The following UBE2M variants were observed in gnomAD, a reference collection of about 807,000 sequenced individuals.
The protein encoded by UBE2M is NEDD8-conjugating enzyme Ubc12.
In UBE2M, 2 loss-of-function variants were observed where a neutral mutation model predicts 23.5. The observed-to-expected ratio is 0.09, with a 90% CI of 0.03 to 0.27. UBE2M has a LOEUF of 0.27. UBE2M is among the 10% of genes least tolerant of loss of function. The pLI is 1.00. For missense variants in UBE2M, 103 were observed against 232.9 expected, an observed-to-expected ratio of 0.44 and a Z score of 3.63; for synonymous variants, 97 against 95.2, an observed-to-expected ratio of 1.02 and a Z score of -0.11.
Position 58,556,301 on chromosome 19 carries a change from C to G in UBE2M, c.411+15G>C. The G allele has an allele frequency of 6.2e-7, 1 of 1,614,106 alleles. No individual in the cohort carries two copies. The highest frequency in any genetic ancestry group is 8.5e-7 in the Non-Finnish European group (1 of 1,180,012). ...AGGCCAATCTCCCCAGACCCAACCA[C>G]CTATTCCTACTCACCAAGAAGAGAT... On this transcript the variant is annotated intron_variant, in intron 5 of 5. Coordinates refer to ENST00000253023, the MANE Select transcript of UBE2M (RefSeq NM_003969.4). The surrounding 1 kb of genome is among the most constrained non-coding windows in gnomAD (Gnocchi z 4.9).
rs925322076 is a variant in UBE2M, at chr19:58,555,823, G to A, written c.*266C>T. ...CCCACCCACTCCACAGCCCAGAGTGGGGGCTGAACAAGCACCCAGCAGGGG... is the reference window on the plus strand; with the variant it reads ...CCCACCCACTCCACAGCCCAGAGTGAGGGCTGAACAAGCACCCAGCAGGGG... On this transcript the variant is annotated 3_prime_UTR_variant, in exon 6 of 6. Transcript: ENST00000253023. 11 of 518,854 alleles carry A rather than the reference G, an allele frequency of 2.1e-5. No homozygotes were observed. The highest frequency in any genetic ancestry group is 1.9e-4 in the African/African-American group (10 of 52,442). The allele number at this position is 518,854 out of a possible 1,614,324, so 32.1% of individuals were successfully genotyped here. A position where few individuals can be genotyped will look rare whatever the true frequency, so the allele number is the denominator to read the frequency against.
chr19:58,556,307 C>T lies in UBE2M; in HGVS notation c.411+9G>A, dbSNP rs1020503346. ...ATCTCCCCAGACCCAACCACCTATTCCTACTCACCAAGAAGAGATACTGCA... is the reference window on the plus strand; with the variant it reads ...ATCTCCCCAGACCCAACCACCTATTTCTACTCACCAAGAAGAGATACTGCA... On this transcript the variant is annotated intron_variant, in intron 5 of 5. Transcript: ENST00000253023. This position sits in a 1 kb window ranked among gnomAD's most constrained non-coding sequence, Gnocchi z 4.9. 2.5e-6 allele frequency: 4 copies of T among 1,614,130 alleles called. No individual in the cohort carries two copies. The highest frequency in any genetic ancestry group is 3.3e-5 in the Admixed American group (2 of 60,030).
In UBE2M at chr19:58,557,080, C is replaced by A. The variant is rs377327442; in HGVS notation, c.187G>T (p.Val63Phe). Residue 63 changes from valine (V) to phenylalanine (F), a missense_variant, in exon 2 of 6, where the codon GTC becomes TTC. Val to Phe is a conservative substitution (Grantham distance 50, BLOSUM62 -1). This residue lies in a region of UBE2M where 57 missense variants were observed against 103.3 expected (regional missense o/e 0.55). Coordinates refer to ENST00000253023, the MANE Select transcript of UBE2M (RefSeq NM_003969.4). ...ACCCTCACCTCATCAGGACAGATGA[C>A]CAGCTTGAAGTTGAGGAGGTCGTCT... Reference protein sequence around the residue: ...DPDDLLNFKLVICPDEGFYKS... With the variant: ...DPDDLLNFKLFICPDEGFYKS... The A allele has an allele frequency of 1.2e-6, 2 of 1,613,958 alleles. No homozygotes were observed. Among genetic ancestry groups the A allele is most frequent in the African/African-American group, 2.7e-5 (2 of 74,892 alleles).
At position 58,557,172 on chromosome 19, in the gene UBE2M, C is replaced by T. The variant is rs1345032239; in HGVS notation, c.110-15G>A. The T allele has an allele frequency of 6.2e-7, 1 of 1,612,796 alleles. No individual in the cohort carries two copies. Among genetic ancestry groups the T allele is most frequent in the African/African-American group, 1.3e-5 (1 of 74,842 alleles). ...CTCGTTTATGTCTGGGTTTGGGTAGCAGAGAGTCGGGAACAGAAAGAGGGA... is the reference window on the plus strand; with the variant it reads ...CTCGTTTATGTCTGGGTTTGGGTAGTAGAGAGTCGGGAACAGAAAGAGGGA... On this transcript the variant is annotated splice_polypyrimidine_tract_variant and intron_variant, in intron 1 of 5. Coordinates refer to ENST00000253023, the MANE Select transcript of UBE2M (RefSeq NM_003969.4).
At chr19:58,557,202 A>G in intron 1 of UBE2M, 45 bp from the exon 2 acceptor site, 1 of 1,554,996 alleles carries the variant, frequency 6.4e-7, no homozygotes, top group Non-Finnish European at 8.8e-7. Context: ...GAGGGAGGGG[A>G]AGAGAGAGAG....
rs1363784369 is a variant in UBE2M, at chr19:58,557,240, G to A, written c.110-83C>T. The A allele has an allele frequency of 2.0e-5, 29 of 1,432,808 alleles. No homozygotes were observed. In the Middle Eastern group the frequency reaches 1.2e-3, roughly 59 times the overall value. The allele number at this position is 1,432,808 out of a possible 1,614,324, so 88.8% of individuals were successfully genotyped here. A position where few individuals can be genotyped will look rare whatever the true frequency, so the allele number is the denominator to read the frequency against. On this transcript the variant is annotated intron_variant, in intron 1 of 5. Transcript: ENST00000253023. ...AGGGAGCCAGCAGGACACTTAGGGC[G>A]GGTGTTTGTTAGCAGAGCCCCCATC...
Position 58,557,107 on chromosome 19 carries a change from G to C in UBE2M, c.160C>G (p.Pro54Ala). ...PKTCDISFSD[P>A]DDLLNFKLVI... ...AGCTTGAAGTTGAGGAGGTCGTCTGGATCTGAGAAGCTGATATCACACGTC... is the reference window on the plus strand; with the variant it reads ...AGCTTGAAGTTGAGGAGGTCGTCTGCATCTGAGAAGCTGATATCACACGTC... Residue 54 changes from proline to alanine, a missense_variant, in exon 2 of 6, where the codon CCA becomes GCA. Pro to Ala is a conservative substitution (Grantham distance 27). Around this residue, in one of 3 missense-constraint regions of UBE2M, gnomAD observed 57 missense variants for 103.3 expected, o/e 0.55. Coordinates refer to ENST00000253023, the MANE Select transcript of UBE2M (RefSeq NM_003969.4). 6.2e-7 allele frequency: 1 copy of C among 1,614,038 alleles called. No individual in the cohort carries two copies. The highest frequency in any genetic ancestry group is 8.5e-7 in the Non-Finnish European group (1 of 1,179,992).
At position 58,555,935 on chromosome 19, in the gene UBE2M, A is replaced by G. The variant is rs1211283607; in HGVS notation, c.*154T>C. 9.1e-7 allele frequency: 1 copy of G among 1,102,492 alleles called. No individual in the cohort carries two copies. Among genetic ancestry groups the G allele is most frequent in the African/African-American group, 1.6e-5 (1 of 62,864 alleles). 68.3% of individuals were successfully genotyped at this position (1,102,492 alleles called of 1,614,324 possible). ...AATCACATGGTGTTAAAAAAAAAAA[A>G]ATAACTAGGGGCACGTGGCAGGAAG... On this transcript the variant is annotated 3_prime_UTR_variant, in exon 6 of 6. Coordinates refer to ENST00000253023, the MANE Select transcript of UBE2M (RefSeq NM_003969.4).
intron 1 of UBE2M, 152 bp from the exon 2 acceptor site, chr19:58,557,309 A>G: frequency 1.4e-6 from 1 of 739,678 alleles, no homozygotes; most frequent in Non-Finnish European, 2.4e-6. Flanking sequence ...GCTGTGCTCC[A>G]CACCTCCAGC....
intron 1 of UBE2M, 131 bp from the exon 2 acceptor site, chr19:58,557,288 G>A: frequency 4.5e-6 from 4 of 885,100 alleles, no homozygotes; most frequent in South Asian, 2.8e-5. Context: ...ACCCCCAGGC[G>A]CCTCTCCTGG....
rs559015401 is a variant in UBE2M, at chr19:58,556,623, C to T, written c.347+64G>A. On this transcript the variant is annotated intron_variant, in intron 4 of 5. Transcript: ENST00000253023. The surrounding 1 kb of genome is among the most constrained non-coding windows in gnomAD (Gnocchi z 4.9). ...GGGACAGAGTCTGATGTAGTGCCCA[C>T]AAGACCATGAGGGAGGCCTGGCAGG... 6 of 1,400,992 alleles carry T rather than the reference C, an allele frequency of 4.3e-6. No individual in the cohort carries two copies. Among genetic ancestry groups the T allele is most frequent in the African/African-American group, 2.9e-5 (2 of 69,124 alleles). 86.8% of individuals were successfully genotyped at this position (1,400,992 alleles called of 1,614,324 possible).
chr19:58,557,206 G>A, intron 1 of UBE2M, 49 bp from the exon 2 acceptor site: 1 of 1,533,146 alleles, frequency 6.5e-7, no homozygotes, highest in Non-Finnish European at 9.0e-7. Flanking sequence ...GAGGGGAAGA[G>A]AGAGAGAGAG....
At position 58,556,443 on chromosome 19, in the gene UBE2M, T is replaced by A; in HGVS notation, c.348-64A>T. The A allele has an allele frequency of 1.3e-6, 2 of 1,557,740 alleles. No individual in the cohort carries two copies. Reference sequence around the variant, plus strand: ...GGGAGACTGCCACAGGCCCCTCTGGTGTTGGGCAGGTCAGATCCAGGGCAT... The same window carrying A: ...GGGAGACTGCCACAGGCCCCTCTGGAGTTGGGCAGGTCAGATCCAGGGCAT... On this transcript the variant is annotated intron_variant, in intron 4 of 5. Coordinates refer to ENST00000253023, the MANE Select transcript of UBE2M (RefSeq NM_003969.4). The surrounding 1 kb of genome is among the most constrained non-coding windows in gnomAD (Gnocchi z 4.9).
intron 1 of UBE2M, among the ~76,000 whole-genome samples, chr19:58,557,928 C>T (rs2053903190): frequency 6.6e-6 from 1 of 152,016 alleles, no homozygotes; most frequent in African/African-American, 2.4e-5. Context: ...CTATCCCTCT[C>T]TTCTCCGCCT....
Position 58,556,103 on chromosome 19 carries a change from G to A in UBE2M, c.538C>T (p.Arg180Cys). The change falls in exon 6 of 6, where the codon CGC (arginine) becomes TGC (cysteine). Residue 180 changes from arginine to cysteine, a missense_variant. Coordinates refer to ENST00000253023, the MANE Select transcript of UBE2M (RefSeq NM_003969.4). The surrounding 1 kb of genome is among the most constrained non-coding windows in gnomAD (Gnocchi z 4.9). ...ATGCGCCAACCCTATTTCAGGCAGCGCTCAAAGTAGGTGGAGCCGATGTAG... is the reference window on the plus strand; with the variant it reads ...ATGCGCCAACCCTATTTCAGGCAGCACTCAAAGTAGGTGGAGCCGATGTAG... ...GGYIGSTYFE[R>C]CLK The A allele has an allele frequency of 6.2e-7, 1 of 1,610,668 alleles. No individual in the cohort carries two copies. The highest frequency in any genetic ancestry group is 8.5e-7 in the Non-Finnish European group (1 of 1,178,806).
At position 58,555,858 on chromosome 19, in the gene UBE2M, A is replaced by G. The variant is rs2053885898; in HGVS notation, c.*231T>C. Reference sequence around the variant, plus strand: ...AAGCACCCAGCAGGGGGGCTAGACAAGCCAATTCATTTCCCATCGCTGAGT... The same window carrying G: ...AAGCACCCAGCAGGGGGGCTAGACAGGCCAATTCATTTCCCATCGCTGAGT... On this transcript the variant is annotated 3_prime_UTR_variant, in exon 6 of 6. Transcript: ENST00000253023. 3 of 590,194 alleles carry G rather than the reference A, an allele frequency of 5.1e-6. No homozygotes were observed. The Admixed American group carries it at 9.1e-5, about 18-fold the overall frequency. The allele number at this position is 590,194 out of a possible 1,614,324, so 36.6% of individuals were successfully genotyped here.
chr19:58,555,846 G>C lies in UBE2M; in HGVS notation c.*243C>G, dbSNP rs1047921483. The stretch of plus-strand genomic sequence containing the variant: ...TGGGGGCTGAACAAGCACCCAGCAG[G>C]GGGGCTAGACAAGCCAATTCATTTC... On this transcript the variant is annotated 3_prime_UTR_variant, in exon 6 of 6. Coordinates refer to ENST00000253023, the MANE Select transcript of UBE2M (RefSeq NM_003969.4). 89 of 564,352 alleles carry C rather than the reference G, an allele frequency of 1.6e-4. No individual in the cohort carries two copies. The highest frequency in any genetic ancestry group is 4.7e-4 in the Middle Eastern group (1 of 2,124). The allele number at this position is 564,352 out of a possible 1,614,324, so 35.0% of individuals were successfully genotyped here. A position where few individuals can be genotyped will look rare whatever the true frequency, so the allele number is the denominator to read the frequency against.
In UBE2M at chr19:58,558,431, C is replaced by A; in HGVS notation, c.-50G>T. 1.0e-6 allele frequency: 1 copy of A among 967,586 alleles called. No individual in the cohort carries two copies. The highest frequency in any genetic ancestry group is 1.2e-6 in the Non-Finnish European group (1 of 810,776). The allele number at this position is 967,586 out of a possible 1,614,324, so 59.9% of individuals were successfully genotyped here. A position where few individuals can be genotyped will look rare whatever the true frequency, so the allele number is the denominator to read the frequency against. On this transcript the variant is annotated 5_prime_UTR_variant, in exon 1 of 6. Transcript: ENST00000253023. This position sits in a 1 kb window ranked among gnomAD's most constrained non-coding sequence, Gnocchi z 4.7. ...GCCGCCGCGGGGCCCGGGACCCCGG[C>A]CACCCGGCCCCCCGCCGCCGCCCGC...
In UBE2M at chr19:58,557,054, C is replaced by T. The variant is rs779148259; in HGVS notation, c.204+9G>A. 1 of 1,614,086 alleles carries T rather than the reference C, an allele frequency of 6.2e-7. No homozygotes were observed. The highest frequency in any genetic ancestry group is 8.5e-7 in the Non-Finnish European group (1 of 1,179,968). On this transcript the variant is annotated intron_variant, in intron 2 of 5. Coordinates refer to ENST00000253023, the MANE Select transcript of UBE2M (RefSeq NM_003969.4). ...TTGCTCCTGGGAATTCAGCCATATGCACCCTCACCTCATCAGGACAGATGA... is the reference window on the plus strand; with the variant it reads ...TTGCTCCTGGGAATTCAGCCATATGTACCCTCACCTCATCAGGACAGATGA...
Sources: gnomAD v4.1 joint callset for allele counts (sites outside exome capture counted in the v4.1 genomes callset) on GRCh38, gnomAD v4.1.1 for gene constraint, gnomAD v4.1.1 regional missense constraint, Gnocchi (gnomAD v3.1) non-coding constraint, MANE v1.5 for transcripts, NCBI Gene and HGNC (gene_info 2026-07-23, HGNC 2026-07-21) for gene names.